The following RBPMS2 variants were observed in gnomAD, a reference collection of about 807,000 sequenced individuals.
RBPMS2 encodes the protein RNA binding protein, mRNA processing factor 2.
In RBPMS2, 14 loss-of-function variants were observed where a neutral mutation model predicts 25.7. The observed-to-expected ratio is 0.55, with a 90% CI of 0.36 to 0.85. RBPMS2 has a LOEUF of 0.85. Among genes scored for constraint, RBPMS2 ranks in the 40% least tolerant of loss-of-function variants. The pLI is 0.01. For synonymous variants in RBPMS2, 127 were observed against 115.6 expected (o/e 1.10, Z -0.63); for missense variants, 252 against 283.4 (o/e 0.89, Z 0.80).
At chr15:64,743,779 C>T (rs879248941) in intron 6 of RBPMS2, among the ~76,000 whole-genome samples, 1 of 152,144 alleles carries the variant, frequency 6.6e-6, no homozygotes, top group Non-Finnish European at 1.5e-5. Context: ...GAAGATACAC[C>T]AGAAAGCAAG....
chr15:64,774,890 G>A (rs1477188225), intron 1 of RBPMS2, among the ~76,000 whole-genome samples: 1 of 151,530 alleles, frequency 6.6e-6, no homozygotes, highest in Non-Finnish European at 1.5e-5. Flanking sequence ...GAGGAGGGCG[G>A]CGAGCGGCTA....
At chr15:64,771,135 C>A (rs1231337982) in intron 1 of RBPMS2, among the ~76,000 whole-genome samples, 1 of 152,256 alleles carries the variant, frequency 6.6e-6, no homozygotes, top group East Asian at 1.9e-4. Context: ...ATACCACTCT[C>A]CCCCTTCCAG....
At chr15:64,771,053 C>T (rs955967875) in intron 1 of RBPMS2, among the ~76,000 whole-genome samples, 1 of 152,208 alleles carries the variant, frequency 6.6e-6, no homozygotes, top group Non-Finnish European at 1.5e-5. Flanking sequence ...CTTTCTATAG[C>T]TTACCATTAA....
chr15:64,742,128 G>T (rs142824237), intron 6 of RBPMS2, among the ~76,000 whole-genome samples: 1,938 of 152,224 alleles, frequency 0.013, 29 homozygotes, highest in African/African-American at 0.045. Context: ...TCGCGCCATT[G>T]CACTCCCGCC....
chr15:64,748,795 AAAG>A (rs1170390466), intron 5 of RBPMS2, among the ~76,000 whole-genome samples: 2 of 152,178 alleles, frequency 1.3e-5, no homozygotes, highest in Non-Finnish European at 2.9e-5. Flanking sequence ...ATGAGAAATT[AAAG>A]AAGGTTGCAG....
At chr15:64,768,208 G>A (rs535426480) in intron 1 of RBPMS2, among the ~76,000 whole-genome samples, 4 of 152,324 alleles carry the variant, frequency 2.6e-5, no homozygotes, top group South Asian at 2.1e-4. Flanking sequence ...GCCATTTGTA[G>A]AGAATTTAAA....
chr15:64,766,821 G>A (rs1735019134), intron 1 of RBPMS2, among the ~76,000 whole-genome samples: 1 of 152,100 alleles, frequency 6.6e-6, no homozygotes, highest in Admixed American at 6.5e-5. Context: ...GAGCCACTGT[G>A]CCTGGCCTGT....
intron 6 of RBPMS2, among the ~76,000 whole-genome samples, chr15:64,748,096 C>A (rs1236681194): frequency 6.6e-6 from 1 of 152,140 alleles, no homozygotes; most frequent in Admixed American, 6.5e-5. Context: ...GAGACCATAC[C>A]CAGGTTAGGA....
Position 64,748,488 on chromosome 15 carries a change from G to A in RBPMS2, c.498C>T (p.Thr166=). ...APYPLYTTEL[T]PAISHAAFTY... is the part of the protein sequence containing the mutation. ...TGAACGCAGCATGGGAGATGGCTGG[G>A]GTCAGCTCTGTGGTGTACAAAGGGT... The change falls in exon 6 of 8, where the codon ACC becomes ACT. Residue 166 remains threonine, a synonymous_variant. Coordinates refer to ENST00000300069, the MANE Select transcript of RBPMS2 (RefSeq NM_194272.3). 6.2e-7 allele frequency: 1 copy of A among 1,613,992 alleles called. No individual in the cohort carries two copies. Among genetic ancestry groups the A allele is most frequent in the South Asian group, 1.1e-5 (1 of 91,072 alleles).
intron 6 of RBPMS2, among the ~76,000 whole-genome samples, chr15:64,742,608 TG>T (rs1239399307): frequency 6.6e-6 from 1 of 152,196 alleles, no homozygotes; most frequent in East Asian, 1.9e-4. Flanking sequence ...TGTCCCAGCC[TG>T]ACCCAGGACA....
At chr15:64,773,396 A>G (rs372578462) in intron 1 of RBPMS2, among the ~76,000 whole-genome samples, 1 of 152,144 alleles carries the variant, frequency 6.6e-6, no homozygotes, top group Admixed American at 6.6e-5. Flanking sequence ...TTTGTTCTGG[A>G]CCTCTGCTAA....
chr15:64,742,969 C>T (rs1360571066), intron 6 of RBPMS2, among the ~76,000 whole-genome samples: 2 of 152,204 alleles, frequency 1.3e-5, no homozygotes, highest in East Asian at 1.9e-4. Context: ...AGGAGCTCAG[C>T]GGGAAGTTAG....
chr15:64,740,895 C>T lies in RBPMS2; in HGVS notation c.*113G>A. 1 of 348,824 alleles carries T rather than the reference C, an allele frequency of 2.9e-6. No homozygotes were observed. The highest frequency in any genetic ancestry group is 5.4e-6 in the Non-Finnish European group (1 of 186,700). 21.6% of individuals were successfully genotyped at this position (348,824 alleles called of 1,614,324 possible). ...GAGTCAGGCTTGGGATTCACAGTCT[C>T]TGGAGGGCAGCAGCTCTGTGCAGGC... is the stretch of plus-strand genomic sequence containing the variant. On this transcript the variant is annotated 3_prime_UTR_variant, in exon 8 of 8. Coordinates refer to ENST00000300069, the MANE Select transcript of RBPMS2 (RefSeq NM_194272.3).
chr15:64,775,280 TG>T lies in RBPMS2; in HGVS notation c.39del (p.Ser13ArgfsTer49). On this transcript the variant is annotated frameshift_variant, in exon 1 of 8. Transcript: ENST00000300069. LOFTEE classifies it high-confidence loss of function. ...GAGCCCGCGCCGGAGCCGGTGCCGG[TG>T]CTGCCGCCGTGCTCGCCGTCCGGCT... is the stretch of plus-strand genomic sequence containing the variant. ...NLKPDGEHGG[S>X]TGTGSGAGSG... The T allele has an allele frequency of 7.4e-7, 1 of 1,350,694 alleles. No homozygotes were observed. The highest frequency in any genetic ancestry group is 9.6e-7 in the Non-Finnish European group (1 of 1,044,346). 83.7% of individuals were successfully genotyped at this position (1,350,694 alleles called of 1,614,324 possible).
intron 2 of RBPMS2, 134 bp from the exon 3 acceptor site, chr15:64,750,515 C>T (rs2083667475): frequency 1.3e-6 from 1 of 779,622 alleles, no homozygotes; most frequent in Non-Finnish European, 2.2e-6. Flanking sequence ...TCAACCCACC[C>T]TGACCTCCGC....
chr15:64,756,516 C>CAAAA (rs771497391), intron 1 of RBPMS2, among the ~76,000 whole-genome samples: 2 of 122,058 alleles, frequency 1.6e-5, no homozygotes, highest in African/African-American at 3.0e-5. Flanking sequence ...GACCCTGTCT[C>CAAAA]AAAAAAAAAA....
rs551663012 is a variant in RBPMS2, at chr15:64,775,350, G to A, written c.-31C>T. On this transcript the variant is annotated 5_prime_UTR_variant, in exon 1 of 8. Transcript: ENST00000300069. ...GGGGGAGGGGGCGGCGGGAAGGAAC[G>A]CGAGGGCGAGCGCGGCGCCGGCCCC... The A allele has an allele frequency of 5.0e-6, 6 of 1,202,326 alleles. No homozygotes were observed. In the East Asian group the frequency reaches 1.7e-4, roughly 35 times the overall value. The allele number at this position is 1,202,326 out of a possible 1,614,324, so 74.5% of individuals were successfully genotyped here. A position where few individuals can be genotyped will look rare whatever the true frequency, so the allele number is the denominator to read the frequency against.
Position 64,762,970 on chromosome 15 carries a change from G to T in RBPMS2, c.88-11332C>A, listed in dbSNP as rs561982148. Among the ~76,000 whole-genome samples the T allele has an allele frequency of 1.4e-4, 21 of 151,970 alleles. No homozygotes were observed. In the East Asian group the frequency reaches 4.1e-3, roughly 29 times the overall value. On this transcript the variant is annotated intron_variant, in intron 1 of 7. Coordinates refer to ENST00000300069, the MANE Select transcript of RBPMS2 (RefSeq NM_194272.3). ...GACCTGGGCCTGGGAACTTGAGGGG[G>T]GTCTCTGCAGAGCCAACGTTAGGGC...
chr15:64,757,797 T>C (rs1208868151), intron 1 of RBPMS2, among the ~76,000 whole-genome samples: 4 of 99,554 alleles, frequency 4.0e-5, no homozygotes, highest in Admixed American at 3.9e-4. Context: ...CTGGGCAATA[T>C]AGCAAGGCCC....
Sources: allele counts gnomAD v4.1 joint callset (sites outside exome capture counted in the v4.1 genomes callset), GRCh38; gene constraint gnomAD v4.1.1; transcripts MANE v1.5; gene names NCBI Gene and HGNC (gene_info 2026-07-23, HGNC 2026-07-21).